Variants in CUEDC1 observed in about 807,000 individuals in gnomAD.
CUEDC1 encodes CUE domain-containing protein 1.
Under a neutral mutation model 43.7 loss-of-function variants are expected in CUEDC1, and 30 were observed. That is an observed-to-expected ratio of 0.69 (90% CI 0.51 to 0.93). The LOEUF is 0.93. CUEDC1 is among the 40% of genes least tolerant of loss of function. The pLI is 0.00. For missense variants in CUEDC1, 486 were observed against 549.0 expected (o/e 0.89, Z 1.15); for synonymous variants, 223 against 223.6 (o/e 1.00, Z 0.02).
chr17:57,906,973 C>CAAAA (rs71143215), intron 1 of CUEDC1, among the ~76,000 whole-genome samples: 3 of 80,840 alleles, frequency 3.7e-5, no homozygotes, highest in South Asian at 8.2e-4. Flanking sequence ...CTCTGCCTCA[C>CAAAA]AAAAAAAAAA....
intron 1 of CUEDC1, chr17:57,915,215 T>G (rs1036098632): frequency 1.6e-5 from 2 of 128,590 alleles, no homozygotes; most frequent in African/African-American, 7.0e-5. Flanking sequence ...AAAAACTTCC[T>G]GACTATAAAG....
intron 1 of CUEDC1, among the ~76,000 whole-genome samples, chr17:57,918,690 C>A (rs1346640307): frequency 6.6e-6 from 1 of 152,090 alleles, no homozygotes; most frequent in Non-Finnish European, 1.5e-5. Context: ...TCCAGCCTGG[C>A]CAATTAGGAA....
chr17:57,880,704 A>G (rs1471739673), intron 2 of CUEDC1, among the ~76,000 whole-genome samples: 1 of 152,214 alleles, frequency 6.6e-6, no homozygotes, highest in Non-Finnish European at 1.5e-5. Flanking sequence ...CAGACATCAA[A>G]GTATATGTTC....
At chr17:57,897,170 CTA>C (rs898313846) in intron 1 of CUEDC1, among the ~76,000 whole-genome samples, 1 of 152,076 alleles carries the variant, frequency 6.6e-6, no homozygotes, top group African/African-American at 2.4e-5. Flanking sequence ...CATGCATTTT[CTA>C]TATACTTGGC....
intron 1 of CUEDC1, among the ~76,000 whole-genome samples, chr17:57,894,988 C>T (rs2074393775): frequency 6.6e-6 from 1 of 152,208 alleles, no homozygotes; most frequent in Admixed American, 6.5e-5. Flanking sequence ...AGCAGAGAAA[C>T]ATGTCATTTG....
intron 2 of CUEDC1, among the ~76,000 whole-genome samples, chr17:57,882,029 T>G (rs571158948): frequency 9.8e-5 from 15 of 152,304 alleles, no homozygotes; most frequent in Non-Finnish European, 2.1e-4. Context: ...CTGAAGTTTT[T>G]GGGCTCTGCA....
At chr17:57,902,492 C>G (rs1008800689) in intron 1 of CUEDC1, among the ~76,000 whole-genome samples, 1 of 152,200 alleles carries the variant, frequency 6.6e-6, no homozygotes, top group Non-Finnish European at 1.5e-5. Flanking sequence ...TTCATGCTAC[C>G]TTTGTGTATG....
At chr17:57,948,619 T>C (rs1052814980) in intron 1 of CUEDC1, among the ~76,000 whole-genome samples, 17 of 152,192 alleles carry the variant, frequency 1.1e-4, no homozygotes, top group African/African-American at 2.4e-5. Flanking sequence ...TCTAGGGGCC[T>C]CTACTTCATC....
chr17:57,924,763 A>G (rs543906826), intron 1 of CUEDC1, among the ~76,000 whole-genome samples: 2 of 152,390 alleles, frequency 1.3e-5, no homozygotes, highest in African/African-American at 4.8e-5. Flanking sequence ...TCAAGGCCCC[A>G]GGCCTGTACC....
chr17:57,895,803 G>A (rs73314236), intron 1 of CUEDC1, among the ~76,000 whole-genome samples: 3,085 of 152,324 alleles, frequency 0.02, 102 homozygotes, highest in African/African-American at 0.07. Flanking sequence ...TGGAGGAAGG[G>A]GGCCACTGGT....
intron 8 of CUEDC1, chr17:57,867,638 G>T: frequency 1.7e-6 from 1 of 583,786 alleles, no homozygotes; most frequent in South Asian, 2.1e-5. Context: ...TGGGGATGGA[G>T]AAACAGCTTC....
chr17:57,867,752 G>A lies in CUEDC1; in HGVS notation c.1035-337C>T, dbSNP rs139298176. The A allele has an allele frequency of 4.4e-5, 21 of 475,344 alleles. No homozygotes were observed. The East Asian group carries it at 6.2e-4, about 14-fold the overall frequency. 29.4% of individuals were successfully genotyped at this position (475,344 alleles called of 1,614,324 possible). On this transcript the variant is annotated intron_variant, in intron 8 of 10. Transcript: ENST00000577830. ...AAGGTGGAAAGCCGTATTTCTACTC[G>A]AGGAAGGGAGGGCCAACATGCTTGG...
intron 1 of CUEDC1, among the ~76,000 whole-genome samples, chr17:57,897,562 C>G (rs886356377): frequency 6.7e-6 from 1 of 149,646 alleles, no homozygotes; most frequent in Non-Finnish European, 1.5e-5. Flanking sequence ...CCCAGCTACT[C>G]GTGAGGCTGA....
chr17:57,896,536 C>T (rs758138351), intron 1 of CUEDC1, among the ~76,000 whole-genome samples: 86 of 137,114 alleles, frequency 6.3e-4, no homozygotes, highest in South Asian at 3.4e-3. Flanking sequence ...GTATGAAATC[C>T]GAAAGGATTC....
chr17:57,889,313 G>C (rs1444320078), intron 1 of CUEDC1, among the ~76,000 whole-genome samples: 3 of 152,196 alleles, frequency 2.0e-5, no homozygotes, highest in African/African-American at 7.2e-5. Context: ...TCACAGGGGG[G>C]ATGGGGTAGG....
intron 10 of CUEDC1, among the ~76,000 whole-genome samples, chr17:57,863,524 A>G (rs1393688229): frequency 2.0e-5 from 3 of 152,134 alleles, no homozygotes; most frequent in East Asian, 3.8e-4. Context: ...AGATGGAGTG[A>G]AGGAATGGAA....
intron 8 of CUEDC1, 136 bp downstream of exon 8, chr17:57,868,014 G>T (rs938569416): frequency 1.4e-6 from 1 of 708,180 alleles, no homozygotes; most frequent in Non-Finnish European, 2.5e-6. Flanking sequence ...ATGGAGGAGA[G>T]GGGAGGAGGA....
chr17:57,876,457 C>T (rs531617974), intron 3 of CUEDC1, among the ~76,000 whole-genome samples: 3 of 152,332 alleles, frequency 2.0e-5, no homozygotes, highest in Admixed American at 6.5e-5. Flanking sequence ...CCCGTGTCTT[C>T]GGCTTCCCTA....
At chr17:57,953,388 A>G (rs2075026033) in intron 1 of CUEDC1, among the ~76,000 whole-genome samples, 1 of 152,026 alleles carries the variant, frequency 6.6e-6, no homozygotes, top group Admixed American at 6.6e-5. Flanking sequence ...CTGTCCAGAC[A>G]CTCCAGGTCT....
Sources: gnomAD v4.1 joint callset for allele counts (sites outside exome capture counted in the v4.1 genomes callset) on GRCh38, gnomAD v4.1.1 for gene constraint, MANE v1.5 for transcripts, NCBI Gene and HGNC (gene_info 2026-07-23, HGNC 2026-07-21) for gene names.